The following RAB11FIP5 variants were observed in gnomAD, a reference collection of about 807,000 sequenced individuals.
The protein encoded by RAB11FIP5 is rab11 family-interacting protein 5.
Under a neutral mutation model 85.1 loss-of-function variants are expected in RAB11FIP5, and 48 were observed. The observed-to-expected ratio is 0.56, with a 90% CI of 0.45 to 0.72. RAB11FIP5 has a LOEUF of 0.72. Among genes scored for constraint, RAB11FIP5 ranks in the 30% least tolerant of loss-of-function variants. RAB11FIP5 has a pLI of 0.00. For missense variants in RAB11FIP5, 1,491 were observed against 1,687.0 expected (o/e 0.88, Z 2.04); for synonymous variants, 729 against 727.3 (o/e 1.00, Z -0.04).
At position 73,081,414 on chromosome 2, in the gene RAB11FIP5, G is replaced by T; in HGVS notation, c.1818C>A (p.Asn606Lys). 2 of 1,232,692 alleles carry T rather than the reference G, an allele frequency of 1.6e-6. No individual in the cohort carries two copies. The highest frequency in any genetic ancestry group is 2.0e-6 in the Non-Finnish European group (2 of 988,250). 76.4% of individuals were successfully genotyped at this position (1,232,692 alleles called of 1,614,324 possible). The change falls in exon 4 of 6, where the codon AAC becomes AAA. Residue 606 changes from asparagine (N) to lysine (K), a missense_variant. Asn to Lys is a moderately conservative substitution (Grantham distance 94). Coordinates refer to ENST00000486777, the MANE Select transcript of RAB11FIP5 (RefSeq NM_001371272.1). The surrounding 1 kb of genome is among the most constrained non-coding windows in gnomAD (Gnocchi z 4.2). ...TNPFLTSLQSNPFFEELIADI... is the reference protein window; with the variant it reads ...TNPFLTSLQSKPFFEELIADI... The stretch of plus-strand genomic sequence containing the variant: ...CGGCTATGAGCTCCTCGAAGAAGGG[G>T]TTGCTCTGCAAAGAGGTGAGGAACG...
chr2:73,106,942 G>C (rs533532579), intron 1 of RAB11FIP5, among the ~76,000 whole-genome samples: 4 of 152,142 alleles, frequency 2.6e-5, no homozygotes, highest in African/African-American at 9.6e-5. Flanking sequence ...GGCTGCCCCT[G>C]GGAGCCCCGT....
intron 1 of RAB11FIP5, among the ~76,000 whole-genome samples, chr2:73,099,242 G>A (rs563998479): frequency 1.3e-5 from 2 of 152,076 alleles, no homozygotes; most frequent in East Asian, 3.9e-4. Context: ...TAGAGACGTG[G>A]TTTCACCATG....
In RAB11FIP5 at chr2:73,089,180, G is replaced by GGGA; in HGVS notation, c.564_566dup (p.Pro189dup). The GGGA allele has an allele frequency of 6.2e-7, 1 of 1,614,226 alleles. No homozygotes were observed. The highest frequency in any genetic ancestry group is 8.5e-7 in the Non-Finnish European group (1 of 1,180,036). ...TCATCTTGTCCCTGATCTTGCTGAAGGGAGACCTTGGCTTGTCCTTCATGG... is the reference window on the plus strand; with the variant it reads ...TCATCTTGTCCCTGATCTTGCTGAAGGGAGGAGACCTTGGCTTGTCCTTCATGG... On this transcript the variant is annotated inframe_insertion, in exon 2 of 6. Transcript: ENST00000486777. The surrounding 1 kb of genome is among the most constrained non-coding windows in gnomAD (Gnocchi z 4.6).
rs1684693084 is a variant in RAB11FIP5, at chr2:73,112,690, C to G, written c.88G>C (p.Gly30Arg). The change falls in exon 1 of 6, where the codon GGG becomes CGG. Residue 30 changes from glycine to arginine, a missense_variant. Coordinates refer to ENST00000486777, the MANE Select transcript of RAB11FIP5 (RefSeq NM_001371272.1). ...GCTCCCGAGCTCTTGCCCCGCAGCC[C>G]GCGGGCCCGCAGCACCGTCACCTGG... ...HVQVTVLRARGLRGKSSGAGS... is the reference protein window; with the variant it reads ...HVQVTVLRARRLRGKSSGAGS... 6.3e-7 allele frequency: 1 copy of G among 1,581,418 alleles called. No individual in the cohort carries two copies. The highest frequency in any genetic ancestry group is 8.6e-7 in the Non-Finnish European group (1 of 1,165,960).
chr2:73,107,331 C>G (rs1684547832), intron 1 of RAB11FIP5, among the ~76,000 whole-genome samples: 1 of 152,232 alleles, frequency 6.6e-6, no homozygotes, highest in Non-Finnish European at 1.5e-5. Flanking sequence ...TGGACAAGGC[C>G]AGGCCAGTGG....
rs1683835824 is a variant in RAB11FIP5 at position 73,075,500 on chromosome 2, C to T, written c.*21G>A. ...CAGCAATAGGTCCATGCCAACCCTC[C>T]TGGGGGTAGGGTGAGGAAGGCTATT... is the stretch of plus-strand genomic sequence containing the variant. On this transcript the variant is annotated 3_prime_UTR_variant, in exon 6 of 6. Coordinates refer to ENST00000486777, the MANE Select transcript of RAB11FIP5 (RefSeq NM_001371272.1). This position sits in a 1 kb window ranked among gnomAD's most constrained non-coding sequence, Gnocchi z 4.6. 1.9e-6 allele frequency: 3 copies of T among 1,612,410 alleles called. No individual in the cohort carries two copies. Among genetic ancestry groups the T allele is most frequent in the East Asian group, 4.5e-5 (2 of 44,850 alleles).
In RAB11FIP5 at chr2:73,075,720, G is replaced by A. The variant is rs780487417; in HGVS notation, c.3776C>T (p.Ser1259Leu). The stretch of plus-strand genomic sequence containing the variant: ...CTTGGCCGACTGGTCCAGCACAGCT[G>A]AGTCCTGAGGCCGGACCGAAGACAG... ...QMVDTKRLKD[S>L]AVLDQSAKYY... is the part of the protein sequence containing the mutation. The change falls in exon 6 of 6, where the codon TCA becomes TTA. Residue 1259 changes from serine to leucine, a missense_variant. By Grantham distance (145) the Ser-to-Leu change is moderately radical (BLOSUM62 -2). Coordinates refer to ENST00000486777, the MANE Select transcript of RAB11FIP5 (RefSeq NM_001371272.1). This position sits in a 1 kb window ranked among gnomAD's most constrained non-coding sequence, Gnocchi z 4.6. 1.2e-6 allele frequency: 2 copies of A among 1,600,698 alleles called. No individual in the cohort carries two copies. The highest frequency in any genetic ancestry group is 2.2e-5 in the South Asian group (2 of 89,472).
chr2:73,105,218 C>G (rs1235008171), intron 1 of RAB11FIP5, among the ~76,000 whole-genome samples: 1 of 152,102 alleles, frequency 6.6e-6, no homozygotes, highest in Non-Finnish European at 1.5e-5. Flanking sequence ...TGAGGCTGAC[C>G]TTCTCAGGCC....
intron 1 of RAB11FIP5, among the ~76,000 whole-genome samples, chr2:73,099,356 G>A (rs767897815): frequency 4.6e-5 from 7 of 152,162 alleles, no homozygotes; most frequent in Non-Finnish European, 1.0e-4. Flanking sequence ...CACCATTGGT[G>A]TACTTTGCAA....
Position 73,088,481 on chromosome 2 carries a change from C to T in RAB11FIP5, c.1137G>A (p.Gly379=), listed in dbSNP as rs1400679495. 6.2e-7 allele frequency: 1 copy of T among 1,613,854 alleles called. No homozygotes were observed. Among genetic ancestry groups the T allele is most frequent in the Non-Finnish European group, 8.5e-7 (1 of 1,180,058 alleles). ...QAVSSRFSEE[G]PRSTDDTWPR... ...GCCAGGTGTCATCTGTGGAACGAGG[C>T]CCCTCCTCGGAGAACCGGGAAGAGA... The change falls in exon 3 of 6, where the codon GGG becomes GGA. Residue 379 remains glycine, a synonymous_variant. Coordinates refer to ENST00000486777, the MANE Select transcript of RAB11FIP5 (RefSeq NM_001371272.1).
intron 4 of RAB11FIP5, among the ~76,000 whole-genome samples, 154 bp from the exon 5 acceptor site, chr2:73,076,336 G>A (rs918635160): frequency 5.9e-5 from 9 of 152,056 alleles, no homozygotes; most frequent in African/African-American, 1.2e-4. Context: ...TCAGGGCAGC[G>A]GTGTCCAGTA....
chr2:73,082,536 G>C (rs1684008116), intron 3 of RAB11FIP5, among the ~76,000 whole-genome samples: 1 of 152,126 alleles, frequency 6.6e-6, no homozygotes, highest in African/African-American at 2.4e-5. Flanking sequence ...TTCTTTGAGG[G>C]GCAGCCTAAC....
chr2:73,110,479 T>TCC (rs371852247), intron 1 of RAB11FIP5, among the ~76,000 whole-genome samples: 19,485 of 150,230 alleles, frequency 0.13, 1,481 homozygotes, highest in East Asian at 0.38. Flanking sequence ...CCACTCCTGT[T>TCC]CCCCCCCCGG....
At chr2:73,103,696 G>C (rs151275326) in intron 1 of RAB11FIP5, among the ~76,000 whole-genome samples, 62 of 152,226 alleles carry the variant, frequency 4.1e-4, no homozygotes, top group Admixed American at 8.5e-4. Flanking sequence ...TTAAAAGTAG[G>C]CCAAACCACA....
rs2106129213 is a variant in RAB11FIP5 at position 73,112,501 on chromosome 2, C to A, written c.277G>T (p.Ala93Ser). 6.7e-7 allele frequency: 1 copy of A among 1,495,846 alleles called. No individual in the cohort carries two copies. The highest frequency in any genetic ancestry group is 2.5e-5 in the Admixed American group (1 of 40,596). 92.7% of individuals were successfully genotyped at this position (1,495,846 alleles called of 1,614,324 possible). Residue 93 changes from alanine to serine, a missense_variant, in exon 1 of 6, where the codon GCG (alanine) becomes TCG (serine). Ala to Ser is a moderately conservative substitution (Grantham distance 99). Transcript: ENST00000486777. ...DGLLRAQEAD[A>S]GPAPWAASSA... is the part of the protein sequence containing the mutation. ...CTCGCGGCCCAGGGCGCCGGGCCCG[C>A]GTCGGCCTCCTGCGCCCGCAGCAGG...
Position 73,112,792 on chromosome 2 carries a change from G to T in RAB11FIP5, c.-15C>A, listed in dbSNP as rs1208938552. 8 of 1,417,292 alleles carry T rather than the reference G, an allele frequency of 5.6e-6. No individual in the cohort carries two copies. The South Asian group carries it at 9.3e-5, about 17-fold the overall frequency. 87.8% of individuals were successfully genotyped at this position (1,417,292 alleles called of 1,614,324 possible). A position where few individuals can be genotyped will look rare whatever the true frequency, so the allele number is the denominator to read the frequency against. ...ACCAGGGCCATGGCGGAGAAGCGGG[G>T]GGCGAGGTCTGGCCGAGCCGGTGCA... On this transcript the variant is annotated 5_prime_UTR_variant, in exon 1 of 6. Transcript: ENST00000486777.
intron 1 of RAB11FIP5, among the ~76,000 whole-genome samples, chr2:73,099,136 G>C (rs1050537098): frequency 6.3e-5 from 9 of 143,204 alleles, no homozygotes; most frequent in African/African-American, 2.1e-4. Context: ...TGAAACCTCT[G>C]CCTCCTGAGT....
intron 3 of RAB11FIP5, among the ~76,000 whole-genome samples, 162 bp downstream of exon 3, chr2:73,087,888 G>A (rs916331164): frequency 1.3e-5 from 2 of 152,024 alleles, no homozygotes; most frequent in African/African-American, 4.8e-5. Context: ...AGCACAGAAC[G>A]AACCTTGGCT....
At chr2:73,094,120 C>CAAAA (rs550613252) in intron 1 of RAB11FIP5, among the ~76,000 whole-genome samples, 1 of 84,650 alleles carries the variant, frequency 1.2e-5, no homozygotes, top group African/African-American at 3.7e-5. Flanking sequence ...GACTTTGTCT[C>CAAAA]AAAAAAAAAA....
Sources: gnomAD v4.1 joint callset for allele counts (sites outside exome capture counted in the v4.1 genomes callset) on GRCh38, gnomAD v4.1.1 for gene constraint, Gnocchi (gnomAD v3.1) non-coding constraint, MANE v1.5 for transcripts, NCBI Gene and HGNC (gene_info 2026-07-23, HGNC 2026-07-21) for gene names.